Variants in STK4 observed in about 807,000 individuals in gnomAD.
STK4 encodes serine/threonine kinase 4, also known as serine/threonine-protein kinase 4.
A neutral mutation model predicts 64.9 loss-of-function variants in STK4; 30 were observed. The observed-to-expected ratio is 0.46, with a 90% CI of 0.35 to 0.63. STK4 has a LOEUF of 0.63. Among genes scored for constraint, STK4 ranks in the 20% least tolerant of loss-of-function variants. The pLI, the probability that STK4 is intolerant of heterozygous loss-of-function variation, is 0.01. For missense variants in STK4, 466 were observed against 598.5 expected, an observed-to-expected ratio of 0.78 and a Z score of 2.31; for synonymous variants, 177 against 199.0, an observed-to-expected ratio of 0.89 and a Z score of 0.93.
intron 10 of STK4, among the ~76,000 whole-genome samples, chr20:45,073,251 A>T (rs1488118841): frequency 6.6e-6 from 1 of 152,146 alleles, no homozygotes; most frequent in Non-Finnish European, 1.5e-5. Flanking sequence ...CACAGGCTGG[A>T]AAGATGCATT....
chr20:45,049,283 C>A (rs1175316469), intron 10 of STK4, among the ~76,000 whole-genome samples: 1 of 152,116 alleles, frequency 6.6e-6, no homozygotes, highest in African/African-American at 2.4e-5. Flanking sequence ...AAAAACTGTT[C>A]TTTAGACATG....
chr20:45,056,026 G>C (rs6103987), intron 10 of STK4, among the ~76,000 whole-genome samples: 1 of 152,040 alleles, frequency 6.6e-6, no homozygotes, highest in African/African-American at 2.4e-5. Flanking sequence ...CCCCCGCGCC[G>C]GGCCCAATTA....
chr20:45,017,723 C>T lies in STK4; in HGVS notation c.1148-7250C>T, dbSNP rs549501869. Among the ~76,000 whole-genome samples, 26 of 152,314 alleles carry T rather than the reference C, an allele frequency of 1.7e-4. No individual in the cohort carries two copies. In the South Asian group the frequency reaches 5.0e-3, roughly 29 times the overall value. ...CAAGAACCAAGATGTGGACCATTCTCACCTGTGAACATTTTTTATCTTTTT... is the reference window on the plus strand; with the variant it reads ...CAAGAACCAAGATGTGGACCATTCTTACCTGTGAACATTTTTTATCTTTTT... On this transcript the variant is annotated intron_variant, in intron 9 of 10. Transcript: ENST00000372806.
chr20:45,000,722 C>A, intron 8 of STK4: 2 of 747,390 alleles, frequency 2.7e-6, no homozygotes, highest in Non-Finnish European at 2.1e-6. Context: ...TCCTAAAACA[C>A]TTTTAAATTT....
At chr20:44,986,022 C>G (rs376051697) in intron 4 of STK4, among the ~76,000 whole-genome samples, 1 of 152,182 alleles carries the variant, frequency 6.6e-6, no homozygotes, top group Non-Finnish European at 1.5e-5. Flanking sequence ...ATATTCTATA[C>G]TAGTTTCTAG....
intron 1 of STK4, among the ~76,000 whole-genome samples, 193 bp from the exon 2 acceptor site, chr20:44,971,885 A>T (rs1273257483): frequency 6.6e-6 from 1 of 151,880 alleles, no homozygotes; most frequent in Non-Finnish European, 1.5e-5. Flanking sequence ...GTTAGCCAGG[A>T]TGGTCTCGAT....
At position 44,988,533 on chromosome 20, in the gene STK4, G is replaced by GTGTATATATATATATATA. The variant is rs1221720136; in HGVS notation, c.525+1238_525+1239insGTATATATATATATATAT. On this transcript the variant is annotated intron_variant, in intron 5 of 10. Transcript: ENST00000372806. ...TGTGTGTGTATATATATGTGTGTGT[G>GTGTATATATATATATATA]TATATATATATATATATATATATAT... 8.7e-4 allele frequency among the ~76,000 whole-genome samples: 88 copies of GTGTATATATATATATATA among 101,564 alleles called. 2 individuals are homozygous for GTGTATATATATATATATA. Among genetic ancestry groups the GTGTATATATATATATATA allele is most frequent in the African/African-American group, 3.6e-3 (75 of 21,024 alleles). 66.6% of individuals were successfully genotyped at this position (101,564 alleles called of 152,430 possible).
intron 10 of STK4, among the ~76,000 whole-genome samples, chr20:45,046,807 G>C (rs188685428): frequency 3.3e-5 from 5 of 152,018 alleles, no homozygotes; most frequent in Admixed American, 1.3e-4. Context: ...TCAGCCTCCT[G>C]AGTAGCTGGG....
intron 10 of STK4, among the ~76,000 whole-genome samples, chr20:45,054,559 CT>C (rs776492833): frequency 0.18 from 12,598 of 71,608 alleles, 507 homozygotes; most frequent in Middle Eastern, 0.22. Context: ...GACACCCTAT[CT>C]TTTTTTTTTT....
chr20:44,988,815 A>C (rs1003304850), intron 5 of STK4, among the ~76,000 whole-genome samples: 3 of 151,916 alleles, frequency 2.0e-5, no homozygotes, highest in Admixed American at 1.3e-4. Context: ...AGCCCTTGAC[A>C]ACCACTAATC....
At chr20:45,055,303 T>C (rs1197584859) in intron 10 of STK4, among the ~76,000 whole-genome samples, 1 of 152,220 alleles carries the variant, frequency 6.6e-6, no homozygotes, top group Non-Finnish European at 1.5e-5. Flanking sequence ...CACTTTGTCC[T>C]TGTGGTCTAG....
chr20:45,016,511 T>C (rs553993175), intron 9 of STK4, among the ~76,000 whole-genome samples: 33 of 152,326 alleles, frequency 2.2e-4, no homozygotes, highest in Non-Finnish European at 3.4e-4. Context: ...CCTAATTGTT[T>C]GTGCAGTTTT....
intron 10 of STK4, among the ~76,000 whole-genome samples, chr20:45,074,619 T>G (rs1244983980): frequency 6.6e-6 from 1 of 152,126 alleles, no homozygotes; most frequent in African/African-American, 2.4e-5. Flanking sequence ...AGATAGACGC[T>G]TATCTCGTAG....
At position 44,988,541 on chromosome 20, in the gene STK4, A is replaced by ATGTGTG. The variant is rs1464378385; in HGVS notation, c.525+1246_525+1247insGTGTGT. ...TATATATATGTGTGTGTGTATATAT[A>ATGTGTG]TATATATATATATATATATATATAT... On this transcript the variant is annotated intron_variant, in intron 5 of 10. Transcript: ENST00000372806. Among the ~76,000 whole-genome samples the ATGTGTG allele has an allele frequency of 8.6e-3, 1,058 of 123,616 alleles. 31 individuals carry two copies. Among genetic ancestry groups the ATGTGTG allele is most frequent in the African/African-American group, 0.04 (1,001 of 25,046 alleles). The allele number at this position is 123,616 out of a possible 152,430, so 81.1% of individuals were successfully genotyped here.
intron 5 of STK4, among the ~76,000 whole-genome samples, chr20:44,988,525 G>GTGTGTGTGTGTGTT: frequency 1.1e-5 from 1 of 91,602 alleles, no homozygotes; most frequent in South Asian, 3.3e-4. Flanking sequence ...GTATATATAT[G>GTGTGTGTGTGTGTT]TGTGTGTGTA....
At chr20:45,054,098 A>G (rs1042272117) in intron 10 of STK4, among the ~76,000 whole-genome samples, 1 of 152,150 alleles carries the variant, frequency 6.6e-6, no homozygotes, top group Non-Finnish European at 1.5e-5. Flanking sequence ...AAAATTTGCC[A>G]GTTCATTGTT....
At chr20:45,046,446 G>GAA (rs113468179) in intron 10 of STK4, among the ~76,000 whole-genome samples, 2 of 113,680 alleles carry the variant, frequency 1.8e-5, no homozygotes, top group Admixed American at 8.7e-5. Context: ...AAACTAAAAG[G>GAA]AAAAAAAAAA....
At chr20:45,057,814 T>C (rs1044256401) in intron 10 of STK4, among the ~76,000 whole-genome samples, 6 of 152,204 alleles carry the variant, frequency 3.9e-5, no homozygotes, top group African/African-American at 1.4e-4. Context: ...TTTACAAAAT[T>C]TTTTTCTGGT....
intron 5 of STK4, among the ~76,000 whole-genome samples, chr20:44,990,946 G>T (rs1029099959): frequency 9.9e-5 from 15 of 152,238 alleles, no homozygotes; most frequent in African/African-American, 3.1e-4. Context: ...TTTTCCTGGC[G>T]ACTGACTGAG....
Sources: gnomAD v4.1 joint callset for allele counts (sites outside exome capture counted in the v4.1 genomes callset) on GRCh38, gnomAD v4.1.1 for gene constraint, MANE v1.5 for transcripts, NCBI Gene and HGNC (gene_info 2026-07-23, HGNC 2026-07-21) for gene names.